Variants in LRP1B observed in about 807,000 individuals in gnomAD.
LRP1B encodes low-density lipoprotein receptor-related protein 1B.
A neutral mutation model predicts 556.6 loss-of-function variants in LRP1B; 217 were observed. The ratio of observed to expected loss-of-function variants is 0.39; its 90% confidence interval spans 0.35 to 0.44. LRP1B has a LOEUF of 0.44. LRP1B is among the 20% of genes least tolerant of loss of function. The pLI, the probability that LRP1B is intolerant of heterozygous loss-of-function variation, is 1.00. For missense variants in LRP1B, 5,053 were observed against 5,620.8 expected (o/e 0.90, Z 3.23); for synonymous variants, 2,047 against 1,865.8 (o/e 1.10, Z -2.50).
At chr2:142,040,515 T>C (rs1299834095) in intron 1 of LRP1B, among the ~76,000 whole-genome samples, 3 of 150,896 alleles carry the variant, frequency 2.0e-5, no homozygotes, top group South Asian at 2.1e-4. Context: ...TTCTTCTTGA[T>C]AAAGATGAAA....
chr2:141,380,514 T>G (rs2104885702), intron 3 of LRP1B, among the ~76,000 whole-genome samples: 1 of 152,304 alleles, frequency 6.6e-6, no homozygotes, highest in Middle Eastern at 3.4e-3. Flanking sequence ...GCCCCCAACT[T>G]TTCTGACTGT....
At chr2:141,388,742 A>T (rs11897161) in intron 3 of LRP1B, among the ~76,000 whole-genome samples, 1 of 152,176 alleles carries the variant, frequency 6.6e-6, no homozygotes. Context: ...GATGATATGA[A>T]CCAATATGTA....
At chr2:141,895,826 T>C (rs1699434375) in intron 1 of LRP1B, among the ~76,000 whole-genome samples, 1 of 152,192 alleles carries the variant, frequency 6.6e-6, no homozygotes, top group Non-Finnish European at 1.5e-5. Flanking sequence ...TCTTTGGTTT[T>C]TTTCTTTCTT....
chr2:141,199,636 TATTG>T (rs1490348353), intron 6 of LRP1B, among the ~76,000 whole-genome samples: 1 of 152,188 alleles, frequency 6.6e-6, no homozygotes, highest in Admixed American at 6.5e-5. Flanking sequence ...CAAAGACACT[TATTG>T]ATTTTTATAA....
intron 23 of LRP1B, among the ~76,000 whole-genome samples, chr2:140,888,086 G>A (rs1485836842): frequency 1.3e-5 from 2 of 152,048 alleles, no homozygotes; most frequent in African/African-American, 4.8e-5. Context: ...CTTGTAAAGG[G>A]CATAAAACTG....
At chr2:140,707,218 T>G (rs1306312818) in intron 37 of LRP1B, among the ~76,000 whole-genome samples, 2 of 152,130 alleles carry the variant, frequency 1.3e-5, no homozygotes, top group Admixed American at 6.6e-5. Flanking sequence ...ATTTAGATCC[T>G]TTGTTACATA....
chr2:141,149,631 G>A (rs757239940), intron 7 of LRP1B, among the ~76,000 whole-genome samples: 3 of 152,082 alleles, frequency 2.0e-5, no homozygotes, highest in Non-Finnish European at 4.4e-5. Context: ...TACTCTTGAT[G>A]TTCCCCAAAC....
chr2:141,524,693 T>G (rs887662609), intron 2 of LRP1B, among the ~76,000 whole-genome samples: 1 of 152,056 alleles, frequency 6.6e-6, no homozygotes, highest in Non-Finnish European at 1.5e-5. Context: ...TAATTACCAT[T>G]AAATTACTTT....
chr2:141,677,623 G>T (rs558854882), intron 2 of LRP1B, among the ~76,000 whole-genome samples: 1 of 152,058 alleles, frequency 6.6e-6, no homozygotes, highest in Non-Finnish European at 1.5e-5. Context: ...CCTAGTAGCT[G>T]GGATTACAGG....
At position 141,080,695 on chromosome 2, in the gene LRP1B, A is replaced by C. The variant is rs1285126619; in HGVS notation, c.1014-18422T>G. ...TCAGATTGACCTGCGTTTTAATTTC[A>C]ACTCTGTCTCTATTTCATTCTGAGG... is the stretch of plus-strand genomic sequence containing the variant. On this transcript the variant is annotated intron_variant, in intron 7 of 90. Coordinates refer to ENST00000389484, the MANE Select transcript of LRP1B (RefSeq NM_018557.3). Among the ~76,000 whole-genome samples the C allele has an allele frequency of 2.0e-5, 3 of 152,162 alleles. No individual in the cohort carries two copies. The East Asian group carries it at 5.8e-4, about 29-fold the overall frequency.
At chr2:141,642,720 G>A (rs928033226) in intron 2 of LRP1B, among the ~76,000 whole-genome samples, 26 of 151,896 alleles carry the variant, frequency 1.7e-4, no homozygotes, top group Non-Finnish European at 5.9e-5. Flanking sequence ...CATCGTTCAT[G>A]CCTCATATGG....
At chr2:140,702,395 C>T (rs16844555) in intron 38 of LRP1B, 32 bp downstream of exon 38, 278,310 of 1,610,566 alleles carry the variant, frequency 0.17, 25,119 homozygotes, top group South Asian at 0.23. Context: ...TCAGTTAAGG[C>T]ACTTTAAATA....
intron 52 of LRP1B, among the ~76,000 whole-genome samples, chr2:140,507,506 C>T (rs953238778): frequency 6.6e-6 from 1 of 151,924 alleles, no homozygotes; most frequent in African/African-American, 2.4e-5. Context: ...TCCGTAAGTA[C>T]CACACAAATG....
At chr2:141,929,877 C>A in intron 1 of LRP1B, among the ~76,000 whole-genome samples, 1 of 133,424 alleles carries the variant, frequency 7.5e-6, no homozygotes, top group Non-Finnish European at 1.5e-5. Context: ...TTTCCAGATG[C>A]CTACAGTCAA....
intron 57 of LRP1B, among the ~76,000 whole-genome samples, chr2:140,492,343 A>G (rs188148530): frequency 6.6e-6 from 1 of 152,282 alleles, no homozygotes; most frequent in East Asian, 1.9e-4. Context: ...ACTGGCATAA[A>G]CATACTAGAA....
At chr2:140,262,663 A>G (rs1681999782) in intron 86 of LRP1B, among the ~76,000 whole-genome samples, 1 of 152,168 alleles carries the variant, frequency 6.6e-6, no homozygotes, top group Non-Finnish European at 1.5e-5. Context: ...AGAATAATAA[A>G]TGTAAATATG....
At chr2:140,736,099 T>C (rs1687936879) in intron 35 of LRP1B, among the ~76,000 whole-genome samples, 1 of 152,028 alleles carries the variant, frequency 6.6e-6, no homozygotes, top group Admixed American at 6.6e-5. Flanking sequence ...TGTAGAAATA[T>C]CTGATCTTCC....
chr2:141,287,183 A>G (rs1285806425), intron 3 of LRP1B, among the ~76,000 whole-genome samples: 1 of 152,158 alleles, frequency 6.6e-6, no homozygotes, highest in Non-Finnish European at 1.5e-5. Context: ...CTTGTTTTCA[A>G]TTTTATTAAT....
At chr2:140,806,689 T>C (rs1008520374) in intron 32 of LRP1B, among the ~76,000 whole-genome samples, 4 of 152,196 alleles carry the variant, frequency 2.6e-5, no homozygotes, top group Admixed American at 6.5e-5. Flanking sequence ...TATTTAGACA[T>C]ACTGACTTCA....
Sources: allele counts gnomAD v4.1 joint callset (sites outside exome capture counted in the v4.1 genomes callset), GRCh38; gene constraint gnomAD v4.1.1; transcripts MANE v1.5; gene names NCBI Gene and HGNC (gene_info 2026-07-23, HGNC 2026-07-21).